CCDC171: variants seen among roughly 807,000 people sequenced by gnomAD.
CCDC171 encodes the protein coiled-coil domain containing 171, also known as coiled-coil domain-containing protein 171.
CCDC171 carries 177 observed loss-of-function variants against 168.2 expected under a neutral mutation model. The observed-to-expected ratio is 1.05, with a 90% CI of 0.93 to 1.19. The LOEUF (loss-of-function observed/expected upper bound fraction) is 1.19. CCDC171 is among the 50% of genes most tolerant of loss of function. The probability of loss-of-function intolerance (pLI) is 0.00; values close to 1 mark genes in which losing one functional copy is unlikely to be tolerated. For missense variants in CCDC171, 1,991 were observed against 1,539.0 expected (o/e 1.29, Z -4.91); for synonymous variants, 687 against 540.8 (o/e 1.27, Z -3.75).
At chr9:15,870,914 C>G (rs2062012138) in intron 23 of CCDC171, among the ~76,000 whole-genome samples, 2 of 150,474 alleles carry the variant, frequency 1.3e-5, no homozygotes, top group Non-Finnish European at 3.0e-5. Flanking sequence ...AAATCTAGAA[C>G]TGGATTATTA....
In CCDC171 at chr9:15,594,173, G is replaced by A. The variant is rs776561635; in HGVS notation, c.675+1G>A. 7.4e-7 allele frequency: 1 copy of A among 1,358,790 alleles called. No homozygotes were observed. The highest frequency in any genetic ancestry group is 1.3e-5 in the South Asian group (1 of 76,418). The allele number at this position is 1,358,790 out of a possible 1,614,324, so 84.2% of individuals were successfully genotyped here. A position where few individuals can be genotyped will look rare whatever the true frequency, so the allele number is the denominator to read the frequency against. Reference sequence around the variant, plus strand: ...AAGAGAATTACAATTTATAGTACAGGTATTTTAAAAATAATCAGTTCCTTA... The same window carrying A: ...AAGAGAATTACAATTTATAGTACAGATATTTTAAAAATAATCAGTTCCTTA... On this transcript the variant is annotated splice_donor_variant, in intron 6 of 25. Transcript: ENST00000380701. LOFTEE classifies it high-confidence loss of function.
At chr9:16,103,423 G>A in the CCDC171 span, among the ~76,000 whole-genome samples, 1 of 152,172 alleles carries the variant, frequency 6.6e-6, no homozygotes, top group Non-Finnish European at 1.5e-5. Context: ...TAAGGGGGAA[G>A]ACAACGGCAC....
intron 8 of CCDC171, among the ~76,000 whole-genome samples, chr9:15,660,372 G>A (rs1057024185): frequency 2.6e-5 from 4 of 152,016 alleles, no homozygotes; most frequent in Admixed American, 2.6e-4. Context: ...TGTTACCTGG[G>A]TATATTGCCT....
chr9:15,747,676 C>G (rs1256926306), intron 18 of CCDC171, among the ~76,000 whole-genome samples: 1 of 152,174 alleles, frequency 6.6e-6, no homozygotes, highest in Non-Finnish European at 1.5e-5. Flanking sequence ...AGAAGGAAAA[C>G]TAACAGACAG....
At chr9:15,950,509 T>C (rs948515718) in intron 25 of CCDC171, among the ~76,000 whole-genome samples, 6 of 152,086 alleles carry the variant, frequency 3.9e-5, no homozygotes, top group African/African-American at 1.4e-4. Flanking sequence ...CAGAATTTCA[T>C]ATCCAGCCAA....
intron 1 of CCDC171, among the ~76,000 whole-genome samples, chr9:16,054,108 C>T (rs917628868): frequency 2.6e-5 from 4 of 152,068 alleles, no homozygotes; most frequent in Non-Finnish European, 4.4e-5. Context: ...CATGAGGCCA[C>T]GTATTTGAGT....
intron 6 of CCDC171, among the ~76,000 whole-genome samples, chr9:15,600,412 GT>G (rs1269511407): frequency 1.3e-5 from 2 of 152,188 alleles, no homozygotes; most frequent in East Asian, 3.9e-4. Flanking sequence ...TCCAGACCCT[GT>G]TTGCCTGGGT....
chr9:16,042,194 C>G (rs1833584291), upstream of CCDC171, among the ~76,000 whole-genome samples: 3 of 152,090 alleles, frequency 2.0e-5, no homozygotes, highest in South Asian at 6.2e-4. Context: ...TGGGCGGGCT[C>G]CAGTGGATTA....
rs148720938 is a variant in CCDC171 at position 15,850,037 on chromosome 9, G to T, written c.3468+1090G>T. The stretch of plus-strand genomic sequence containing the variant: ...CCATTTAAAAAAGTTTAGCTAGTCA[G>T]TATAGTTTAAATATAGTCACATTAA... On this transcript the variant is annotated intron_variant, in intron 23 of 25. Transcript: ENST00000380701. Among the ~76,000 whole-genome samples, 1,027 of 151,966 alleles carry T rather than the reference G, an allele frequency of 6.8e-3. 3 individuals carry two copies. Among genetic ancestry groups the T allele is most frequent in the Non-Finnish European group, 0.01 (687 of 67,880 alleles).
chr9:15,694,502 C>G (rs1459236013), intron 10 of CCDC171, among the ~76,000 whole-genome samples: 1 of 152,124 alleles, frequency 6.6e-6, no homozygotes, highest in Non-Finnish European at 1.5e-5. Flanking sequence ...AGCAAGTAAA[C>G]AAACAAAAAT....
intron 25 of CCDC171, among the ~76,000 whole-genome samples, chr9:15,952,333 C>A (rs1173285784): frequency 6.6e-6 from 1 of 152,118 alleles, no homozygotes; most frequent in Admixed American, 6.6e-5. Flanking sequence ...ACTTTGTTCT[C>A]CTTTTTTCAA....
At chr9:16,046,989 C>T (rs1833672401) in intron 1 of CCDC171, among the ~76,000 whole-genome samples, 1 of 152,184 alleles carries the variant, frequency 6.6e-6, no homozygotes, top group Non-Finnish European at 1.5e-5. Flanking sequence ...GTCCCCGTAG[C>T]TGGGTCTTCT....
At chr9:16,046,754 G>A (rs1013975076) in intron 1 of CCDC171, among the ~76,000 whole-genome samples, 1 of 152,140 alleles carries the variant, frequency 6.6e-6, no homozygotes, top group African/African-American at 2.4e-5. Context: ...TGTAAGATGT[G>A]CCTTTCACCT....
intron 6 of CCDC171, among the ~76,000 whole-genome samples, chr9:15,618,138 C>G (rs7864402): frequency 0.014 from 2,145 of 152,306 alleles, 48 homozygotes; most frequent in African/African-American, 0.048. Flanking sequence ...CCCCTTCCCC[C>G]AGGTGCTCTG....
At chr9:15,796,033 A>G (rs2058539364) in intron 21 of CCDC171, among the ~76,000 whole-genome samples, 1 of 152,242 alleles carries the variant, frequency 6.6e-6, no homozygotes, top group Admixed American at 6.5e-5. Context: ...AATATTACAA[A>G]TCACACAAAA....
At position 15,964,978 on chromosome 9, in the gene CCDC171, G is replaced by A. The variant is rs544777004; in HGVS notation, c.3754-6631G>A. ...GGTTTTCACCATGTCGGTCAGGCTT[G>A]TCTCAAACTCGTGACTTCAGGTGAT... is the stretch of plus-strand genomic sequence containing the variant. On this transcript the variant is annotated intron_variant, in intron 25 of 25. Transcript: ENST00000380701. Among the ~76,000 whole-genome samples the A allele has an allele frequency of 2.0e-5, 3 of 152,208 alleles. No homozygotes were observed. The South Asian group carries it at 6.2e-4, about 32-fold the overall frequency.
chr9:15,991,905 G>A (rs138934784), intron 3 of CCDC171, among the ~76,000 whole-genome samples: 11,925 of 152,074 alleles, frequency 0.078, 1,496 homozygotes, highest in African/African-American at 0.27. Flanking sequence ...AAAATAGACC[G>A]ATAACAGGCT....
At position 15,623,475 on chromosome 9, in the gene CCDC171, G is replaced by GCGCGCGCGCGCACACACACACA; in HGVS notation, c.822+63_822+64insGCGCGCGCGCACACACACACAC. The GCGCGCGCGCGCACACACACACA allele has an allele frequency of 1.1e-3, 358 of 315,412 alleles. 1 individual carries two copies. Among genetic ancestry groups the GCGCGCGCGCGCACACACACACA allele is most frequent in the Admixed American group, 2.9e-3 (58 of 19,754 alleles). The allele number at this position is 315,412 out of a possible 1,614,324, so 19.5% of individuals were successfully genotyped here. A position where few individuals can be genotyped will look rare whatever the true frequency, so the allele number is the denominator to read the frequency against. On this transcript the variant is annotated intron_variant, in intron 7 of 25. Coordinates refer to ENST00000380701, the MANE Select transcript of CCDC171 (RefSeq NM_173550.4). ...CAAACTTTCACATATGCGCGCGCGC[G>GCGCGCGCGCGCACACACACACA]CACACACACACACACACACACACAC... is the stretch of plus-strand genomic sequence containing the variant.
chr9:15,649,129 C>T (rs1199555436), intron 7 of CCDC171, among the ~76,000 whole-genome samples: 3 of 152,072 alleles, frequency 2.0e-5, no homozygotes, highest in Non-Finnish European at 4.4e-5. Flanking sequence ...ACAAACCTGA[C>T]AAAAACAGGA....
Sources: gnomAD v4.1 joint callset for allele counts (sites outside exome capture counted in the v4.1 genomes callset) on GRCh38, gnomAD v4.1.1 for gene constraint, MANE v1.5 for transcripts, NCBI Gene and HGNC (gene_info 2026-07-23, HGNC 2026-07-21) for gene names.